STX8: variants seen among roughly 807,000 people sequenced by gnomAD.
The protein encoded by STX8 is syntaxin 8, also known as syntaxin-8.
STX8 carries 23 observed loss-of-function variants against 37.5 expected under a neutral mutation model. That is an observed-to-expected ratio of 0.61 (90% CI 0.44 to 0.87). The LOEUF is 0.87. Ranked by LOEUF, STX8 falls within the 40% of genes least tolerant of loss-of-function variation. The pLI, the probability that STX8 is intolerant of heterozygous loss-of-function variation, is 0.00. For synonymous variants in STX8, 115 were observed against 99.1 expected (o/e 1.16, Z -0.95); for missense variants, 313 against 284.7 (o/e 1.10, Z -0.71).
chr17:9,343,729 A>C (rs1910446306), intron 7 of STX8, among the ~76,000 whole-genome samples: 1 of 151,856 alleles, frequency 6.6e-6, no homozygotes, highest in Non-Finnish European at 1.5e-5. Context: ...TCCTGTTACC[A>C]ACTCAGCCAA....
intron 4 of STX8, among the ~76,000 whole-genome samples, chr17:9,520,574 CTT>C (rs1403571642): frequency 6.6e-6 from 1 of 152,122 alleles, no homozygotes; most frequent in African/African-American, 2.4e-5. Context: ...CGTTAGATAT[CTT>C]GTCTTATCAA....
chr17:9,465,714 C>T (rs917899129), intron 6 of STX8, among the ~76,000 whole-genome samples: 13 of 152,148 alleles, frequency 8.5e-5, no homozygotes, highest in Non-Finnish European at 1.8e-4. Flanking sequence ...CGAACAACGA[C>T]GACAACAATA....
intron 6 of STX8, among the ~76,000 whole-genome samples, chr17:9,396,481 T>C (rs1284254394): frequency 6.6e-6 from 1 of 151,158 alleles, no homozygotes; most frequent in Non-Finnish European, 1.5e-5. Context: ...TCAGCTGAGG[T>C]GGGCGGGTCA....
At chr17:9,338,140 G>C (rs111451699) in intron 7 of STX8, among the ~76,000 whole-genome samples, 131 of 142,182 alleles carry the variant, frequency 9.2e-4, no homozygotes, top group Non-Finnish European at 1.6e-3. Context: ...TGCAACCTCC[G>C]CCTCCCGGGT....
intron 4 of STX8, among the ~76,000 whole-genome samples, chr17:9,534,556 C>G (rs867308019): frequency 6.6e-6 from 1 of 152,084 alleles, no homozygotes; most frequent in East Asian, 1.9e-4. Flanking sequence ...TTTGGGAGGC[C>G]GAGCTAGGCG....
intron 7 of STX8, among the ~76,000 whole-genome samples, chr17:9,288,444 G>A (rs1460781339): frequency 2.6e-5 from 4 of 151,828 alleles, no homozygotes; most frequent in South Asian, 4.2e-4. Context: ...GGTGGATCAC[G>A]AGATCAAGAG....
At chr17:9,259,290 T>C (rs978531374) in intron 7 of STX8, among the ~76,000 whole-genome samples, 3 of 152,168 alleles carry the variant, frequency 2.0e-5, no homozygotes, top group Non-Finnish European at 4.4e-5. Context: ...CAATAAATGG[T>C]AACTCTCCCA....
At chr17:9,539,733 A>C (rs537857853) in intron 4 of STX8, among the ~76,000 whole-genome samples, 49 of 152,230 alleles carry the variant, frequency 3.2e-4, no homozygotes, top group Middle Eastern at 3.4e-3. Context: ...AGATTAGAGA[A>C]GCAAACGAAA....
chr17:9,285,719 T>C (rs1908049832), intron 7 of STX8, among the ~76,000 whole-genome samples: 2 of 152,364 alleles, frequency 1.3e-5, no homozygotes, highest in South Asian at 2.1e-4. Flanking sequence ...GCTGGTTATA[T>C]CATGCCTGAA....
chr17:9,273,738 A>C (rs1907555228), intron 7 of STX8, among the ~76,000 whole-genome samples: 1 of 152,272 alleles, frequency 6.6e-6, no homozygotes, highest in Non-Finnish European at 1.5e-5. Flanking sequence ...CTATTGGCTA[A>C]TTGCAGAATT....
chr17:9,506,052 A>C (rs1025535640), intron 4 of STX8, among the ~76,000 whole-genome samples: 1 of 152,012 alleles, frequency 6.6e-6, no homozygotes, highest in Admixed American at 6.6e-5. Flanking sequence ...GAATAAACAC[A>C]TTCTGATTTG....
intron 4 of STX8, among the ~76,000 whole-genome samples, chr17:9,517,974 A>G (rs769767954): frequency 1.3e-4 from 20 of 152,132 alleles, no homozygotes; most frequent in Middle Eastern, 3.4e-3. Context: ...AGTGGGCAAA[A>G]TTTGGGGGGG....
At chr17:9,544,788 C>G (rs761795631) in intron 4 of STX8, among the ~76,000 whole-genome samples, 2 of 152,054 alleles carry the variant, frequency 1.3e-5, no homozygotes, top group South Asian at 2.1e-4. Flanking sequence ...GTCAGGAGAT[C>G]GAGACCATCC....
intron 7 of STX8, among the ~76,000 whole-genome samples, chr17:9,377,509 C>T (rs371914146): frequency 3.3e-5 from 5 of 152,086 alleles, no homozygotes; most frequent in African/African-American, 1.2e-4. Context: ...CTCACTCTGT[C>T]ACCCAGGCTG....
At chr17:9,453,585 C>T (rs532222397) in intron 6 of STX8, among the ~76,000 whole-genome samples, 57 of 148,398 alleles carry the variant, frequency 3.8e-4, no homozygotes, top group African/African-American at 1.2e-3. Context: ...CTCTGCCTCC[C>T]GGGTTCAAGC....
intron 7 of STX8, among the ~76,000 whole-genome samples, chr17:9,259,424 T>C (rs1906925447): frequency 6.6e-6 from 1 of 152,166 alleles, no homozygotes; most frequent in Admixed American, 6.6e-5. Flanking sequence ...AAATCAAATG[T>C]CACTCTCTCC....
chr17:9,464,481 CAAG>C (rs1227324096), intron 6 of STX8, among the ~76,000 whole-genome samples: 3 of 152,048 alleles, frequency 2.0e-5, no homozygotes, highest in Non-Finnish European at 4.4e-5. Flanking sequence ...CAAAATAGCA[CAAG>C]AAGGGAAGAA....
chr17:9,501,233 A>C (rs770846580), intron 5 of STX8, among the ~76,000 whole-genome samples: 4 of 152,208 alleles, frequency 2.6e-5, no homozygotes, highest in Non-Finnish European at 4.4e-5. Context: ...TTCACATGGA[A>C]ATGCAAAAGA....
intron 4 of STX8, among the ~76,000 whole-genome samples, chr17:9,516,007 A>G (rs1326369782): frequency 6.6e-6 from 1 of 152,058 alleles, no homozygotes; most frequent in Non-Finnish European, 1.5e-5. Context: ...ATCTTGCAAG[A>G]GCCACTTTTC....
Sources: allele counts gnomAD v4.1 joint callset (sites outside exome capture counted in the v4.1 genomes callset), GRCh38; gene constraint gnomAD v4.1.1; transcripts MANE v1.5; gene names NCBI Gene and HGNC (gene_info 2026-07-23, HGNC 2026-07-21).